UNC13B: variants seen among roughly 807,000 people sequenced by gnomAD.
UNC13B encodes unc-13 homolog B.
Under a neutral mutation model 211.0 loss-of-function variants are expected in UNC13B, and 144 were observed. That is an observed-to-expected ratio of 0.68 (90% CI 0.60 to 0.78). The LOEUF (loss-of-function observed/expected upper bound fraction) is 0.78. Ranked by LOEUF, UNC13B falls within the 30% of genes least tolerant of loss-of-function variation. The pLI is 0.00. For missense variants in UNC13B, 1,777 were observed against 2,002.0 expected, an observed-to-expected ratio of 0.89 and a Z score of 2.14; for synonymous variants, 709 against 725.8, an observed-to-expected ratio of 0.98 and a Z score of 0.37.
intron 35 of UNC13B, 84 bp downstream of exon 35, chr9:35,399,532 G>A: frequency 1.9e-6 from 3 of 1,606,552 alleles, no homozygotes; most frequent in Admixed American, 1.7e-5. Flanking sequence ...GGAAATTGGA[G>A]CTTTGGAGAC....
chr9:35,255,059 T>C lies in UNC13B; in HGVS notation c.469-3934T>C, dbSNP rs932535410. ...TATATATTATATATAATATAATATA[T>C]ATTATGTATAATATAATATATATAT... On this transcript the variant is annotated intron_variant, in intron 6 of 39. Transcript: ENST00000635942. Among the ~76,000 whole-genome samples, 26 of 112,642 alleles carry C rather than the reference T, an allele frequency of 2.3e-4. No homozygotes were observed. The East Asian group carries it at 4.8e-3, about 21-fold the overall frequency. The allele number at this position is 112,642 out of a possible 152,430, so 73.9% of individuals were successfully genotyped here. A position where few individuals can be genotyped will look rare whatever the true frequency, so the allele number is the denominator to read the frequency against.
chr9:35,400,438 C>A lies in UNC13B; in HGVS notation c.12479C>A (p.Thr4160Asn), dbSNP rs536280492. The A allele has an allele frequency of 1.2e-4, 186 of 1,613,040 alleles. 3 individuals are homozygous for A. In the South Asian group the frequency reaches 1.7e-3, roughly 15 times the overall value. Residue 4160 changes from threonine (T) to asparagine (N), a missense_variant, in exon 37 of 40, where the codon ACC becomes AAC. Transcript: ENST00000635942. ...AAGACCTTTGTGCGCTCGCAGACCA[C>A]CCAAGGTAAGGCCCTGAGGGCTTTG... ...LIKTFVRSQT[T>N]QGSGVDDPVG...
chr9:35,164,955 G>T (rs1437993764), intron 1 of UNC13B, among the ~76,000 whole-genome samples: 1 of 152,228 alleles, frequency 6.6e-6, no homozygotes, highest in Non-Finnish European at 1.5e-5. Context: ...GACAAAGGAA[G>T]TAATTGCACT....
Position 35,305,490 on chromosome 9 carries a change from A to C in UNC13B, c.6086A>C (p.Asn2029Thr), listed in dbSNP as rs1587581977. ...GAGCTAGCTAGCCAGGGTGCTGGGA[A>C]CTTTCCTGCTGCACCAATTTCCTCT... ...PMELASQGAG[N>T]FPAAPISSKG... The change falls in exon 9 of 40, where the codon AAC (asparagine) becomes ACC (threonine). Residue 2029 changes from asparagine to threonine, a missense_variant. By Grantham distance (65) the Asn-to-Thr change is moderately conservative. Coordinates refer to ENST00000635942, the MANE Select transcript of UNC13B (RefSeq NM_001371189.2). 2.3e-5 allele frequency: 9 copies of C among 398,980 alleles called. No individual in the cohort carries two copies. The East Asian group carries it at 2.9e-4, about 13-fold the overall frequency. 24.7% of individuals were successfully genotyped at this position (398,980 alleles called of 1,614,324 possible).
chr9:35,237,457 C>T (rs1825576002), intron 4 of UNC13B, among the ~76,000 whole-genome samples: 1 of 152,142 alleles, frequency 6.6e-6, no homozygotes, highest in Non-Finnish European at 1.5e-5. Flanking sequence ...GAGTATGGTA[C>T]TCCAGACATT....
At chr9:35,364,257 G>A (rs1833622845) in intron 11 of UNC13B, among the ~76,000 whole-genome samples, 1 of 130,754 alleles carries the variant, frequency 7.6e-6, no homozygotes, top group African/African-American at 4.6e-5. Flanking sequence ...GGCCACTTTG[G>A]AAATGGGAAA....
At chr9:35,287,395 G>A (rs138590340) in intron 7 of UNC13B, among the ~76,000 whole-genome samples, 1 of 151,920 alleles carries the variant, frequency 6.6e-6, no homozygotes, top group African/African-American at 2.4e-5. Flanking sequence ...ACCTCCCAAA[G>A]TGCTGGGATT....
chr9:35,200,015 G>A (rs1323882149), intron 1 of UNC13B, among the ~76,000 whole-genome samples: 1 of 152,142 alleles, frequency 6.6e-6, no homozygotes, highest in Non-Finnish European at 1.5e-5. Context: ...ATTAATTTTT[G>A]TATAAGGTGT....
chr9:35,190,651 G>A (rs1449048899), intron 1 of UNC13B, among the ~76,000 whole-genome samples: 1 of 152,050 alleles, frequency 6.6e-6, no homozygotes, highest in African/African-American at 2.4e-5. Context: ...TGTGCATTAA[G>A]AGTGGCAAGA....
intron 1 of UNC13B, among the ~76,000 whole-genome samples, chr9:35,201,409 G>T (rs1050678606): frequency 1.3e-5 from 2 of 152,206 alleles, no homozygotes. Context: ...CAGAAGGAAT[G>T]GTACCAGCTT....
chr9:35,248,904 A>G (rs1432136071), intron 6 of UNC13B, among the ~76,000 whole-genome samples: 3 of 151,968 alleles, frequency 2.0e-5, no homozygotes, highest in Admixed American at 6.6e-5. Context: ...CAATTCCTGG[A>G]TATCCTTGTT....
At chr9:35,171,063 C>A (rs1821307210) in intron 1 of UNC13B, among the ~76,000 whole-genome samples, 1 of 152,140 alleles carries the variant, frequency 6.6e-6, no homozygotes, top group Admixed American at 6.6e-5. Flanking sequence ...CCCGCCTCAG[C>A]CTCCCAAAGT....
chr9:35,174,692 C>T (rs756139144), intron 1 of UNC13B, among the ~76,000 whole-genome samples: 6 of 152,004 alleles, frequency 3.9e-5, no homozygotes, highest in Non-Finnish European at 8.8e-5. Context: ...GGACTACAGG[C>T]GCCCGCCACC....
chr9:35,402,630 G>A (rs1490056142), intron 37 of UNC13B, among the ~76,000 whole-genome samples: 3 of 152,070 alleles, frequency 2.0e-5, no homozygotes, highest in Non-Finnish European at 4.4e-5. Context: ...GGAGCCTGTA[G>A]ATTGGCTCTT....
chr9:35,197,495 A>G (rs1328668184), intron 1 of UNC13B, among the ~76,000 whole-genome samples: 2 of 152,240 alleles, frequency 1.3e-5, no homozygotes, highest in African/African-American at 4.8e-5. Flanking sequence ...GGCCAGAGCC[A>G]CTACACCCAG....
At chr9:35,176,565 A>G (rs749283413) in intron 1 of UNC13B, among the ~76,000 whole-genome samples, 10 of 152,086 alleles carry the variant, frequency 6.6e-5, no homozygotes, top group Non-Finnish European at 8.8e-5. Context: ...CAAACCAACA[A>G]ACAAAAACAA....
chr9:35,178,167 A>G (rs1008505835), intron 1 of UNC13B, among the ~76,000 whole-genome samples: 8 of 152,200 alleles, frequency 5.3e-5, no homozygotes, highest in Non-Finnish European at 7.4e-5. Context: ...TTCATCCACT[A>G]TAAGATGCCA....
intron 24 of UNC13B, among the ~76,000 whole-genome samples, chr9:35,386,806 G>A (rs553878677): frequency 6.6e-5 from 10 of 152,222 alleles, no homozygotes; most frequent in African/African-American, 2.4e-4. Context: ...CTTCTGTGAG[G>A]CTGAGCTACT....
rs749828619 is a variant in UNC13B, at chr9:35,377,548, A to G, written c.9916A>G (p.Ile3306Val). ...IIMAMKDRMK[I>V]RERNKPEIFE... Reference sequence around the variant, plus strand: ...CATGGCCATGAAGGACCGCATGAAGATCCGAGAGCGAAATAAGCCAGAGAT... The same window carrying G: ...CATGGCCATGAAGGACCGCATGAAGGTCCGAGAGCGAAATAAGCCAGAGAT... The change falls in exon 16 of 40, where the codon ATC becomes GTC. Residue 3306 changes from isoleucine (I) to valine (V), a missense_variant. By Grantham distance (29) the Ile-to-Val change is conservative. Transcript: ENST00000635942. 3 of 1,614,238 alleles carry G rather than the reference A, an allele frequency of 1.9e-6. No individual in the cohort carries two copies. The highest frequency in any genetic ancestry group is 2.5e-6 in the Non-Finnish European group (3 of 1,180,042).
Sources: allele counts gnomAD v4.1 joint callset (sites outside exome capture counted in the v4.1 genomes callset), GRCh38; gene constraint gnomAD v4.1.1; transcripts MANE v1.5; gene names NCBI Gene and HGNC (gene_info 2026-07-23, HGNC 2026-07-21).